EPS8: variants seen among roughly 807,000 people sequenced by gnomAD.
EPS8 encodes the protein EGFR pathway substrate 8, signaling adaptor, also known as epidermal growth factor receptor kinase substrate 8.
EPS8 carries 42 observed loss-of-function variants against 103.8 expected under a neutral mutation model. That is an observed-to-expected ratio of 0.40 (90% CI 0.32 to 0.52). The LOEUF (loss-of-function observed/expected upper bound fraction) is 0.52. EPS8 is among the 20% of genes least tolerant of loss of function. EPS8 has a pLI of 0.40. For missense variants in EPS8, 969 were observed against 1,005.1 expected (o/e 0.96, Z 0.49); for synonymous variants, 344 against 344.6 (o/e 1.00, Z 0.02).
rs909320210 is a variant in EPS8 at position 15,735,166 on chromosome 12, C to T, written c.-21-52194G>A. ...ATACTAATTTTTCTACAAATGAACT[C>T]ACCTCAGAAATGAAAATAAGCTCCA... On this transcript the variant is annotated intron_variant, in intron 1 of 20. Transcript: ENST00000281172. The surrounding 1 kb of genome is among the most constrained non-coding windows in gnomAD (Gnocchi z 4.4). Among the ~76,000 whole-genome samples, 3 of 152,208 alleles carry T rather than the reference C, an allele frequency of 2.0e-5. No homozygotes were observed. The highest frequency in any genetic ancestry group is 7.2e-5 in the African/African-American group (3 of 41,458).
rs1170782994 is a variant in EPS8, at chr12:15,696,403, A to G, written c.-21-13431T>C. On this transcript the variant is annotated intron_variant, in intron 1 of 20. Transcript: ENST00000281172. This position sits in a 1 kb window ranked among gnomAD's most constrained non-coding sequence, Gnocchi z 4.8. ...ACAACTGTAATCCCAGCACTTTGGG[A>G]GGCCAAGGCAGGCAGATCACGAGGT... 6.6e-6 allele frequency among the ~76,000 whole-genome samples: 1 copy of G among 152,138 alleles called. No individual in the cohort carries two copies. Among genetic ancestry groups the G allele is most frequent in the African/African-American group, 2.4e-5 (1 of 41,428 alleles).
chr12:15,750,300 A>G (rs773850926), intron 1 of EPS8, among the ~76,000 whole-genome samples: 8 of 152,138 alleles, frequency 5.3e-5, no homozygotes, highest in Admixed American at 1.3e-4. Flanking sequence ...AAATTCTCCT[A>G]TTTACATGAA....
At chr12:15,645,869 T>C (rs141560403) in intron 15 of EPS8, among the ~76,000 whole-genome samples, 1 of 152,342 alleles carries the variant, frequency 6.6e-6, no homozygotes, top group South Asian at 2.1e-4. Flanking sequence ...ACTCTACATA[T>C]GTACTCAAGT....
rs1947039263 is a variant in EPS8, at chr12:15,761,319, T to C, written c.-22+27842A>G. 6.6e-6 allele frequency among the ~76,000 whole-genome samples: 1 copy of C among 152,148 alleles called. No individual in the cohort carries two copies. The highest frequency in any genetic ancestry group is 2.4e-5 in the African/African-American group (1 of 41,428). The stretch of plus-strand genomic sequence containing the variant: ...AAAAATGGAAAATATTCTATGTTCA[T>C]GGATTGAAAGAATCAATATTGTTAA... On this transcript the variant is annotated intron_variant, in intron 1 of 20. Coordinates refer to ENST00000281172, the MANE Select transcript of EPS8 (RefSeq NM_004447.6). The surrounding 1 kb of genome is among the most constrained non-coding windows in gnomAD (Gnocchi z 4.5).
At chr12:15,722,664 G>T (rs1190916119) in intron 1 of EPS8, among the ~76,000 whole-genome samples, 1 of 152,166 alleles carries the variant, frequency 6.6e-6, no homozygotes. Flanking sequence ...CACAGCAAAG[G>T]CTGGAAAGTC....
In EPS8 at chr12:15,745,657, T is replaced by C. The variant is rs532225856; in HGVS notation, c.-22+43504A>G. Among the ~76,000 whole-genome samples, 21 of 152,240 alleles carry C rather than the reference T, an allele frequency of 1.4e-4. No homozygotes were observed. The South Asian group carries it at 4.1e-3, about 30-fold the overall frequency. On this transcript the variant is annotated intron_variant, in intron 1 of 20. Transcript: ENST00000281172. The surrounding 1 kb of genome is among the most constrained non-coding windows in gnomAD (Gnocchi z 4.6). Reference sequence around the variant, plus strand: ...TTGCTAGCAAAATATAGACCTCCCATTGTTCACTTTCAAATCCTTGGAAAT... The same window carrying C: ...TTGCTAGCAAAATATAGACCTCCCACTGTTCACTTTCAAATCCTTGGAAAT...
chr12:15,636,057 G>A (rs945072280), intron 17 of EPS8, among the ~76,000 whole-genome samples: 5 of 152,094 alleles, frequency 3.3e-5, no homozygotes, highest in African/African-American at 1.2e-4. Context: ...TCTGCTCTTG[G>A]CATATACCTT....
chr12:15,648,261 T>C (rs912322865), intron 14 of EPS8, among the ~76,000 whole-genome samples: 7 of 152,202 alleles, frequency 4.6e-5, no homozygotes, highest in Admixed American at 3.9e-4. Flanking sequence ...TTTCTTTATA[T>C]GAAAATGAGG....
intron 1 of EPS8, among the ~76,000 whole-genome samples, chr12:15,694,961 T>C (rs568544414): frequency 1.0e-3 from 156 of 152,212 alleles, no homozygotes; most frequent in Non-Finnish European, 2.0e-3. Flanking sequence ...TATTTCACTA[T>C]TTCATTATTG....
intron 1 of EPS8, among the ~76,000 whole-genome samples, chr12:15,750,909 G>A (rs1241846784): frequency 6.6e-6 from 1 of 152,062 alleles, no homozygotes; most frequent in Non-Finnish European, 1.5e-5. Context: ...AGTATCAAAA[G>A]GATTTTCTTT....
At chr12:15,678,473 T>G (rs1237699160) in intron 3 of EPS8, among the ~76,000 whole-genome samples, 1 of 152,198 alleles carries the variant, frequency 6.6e-6, no homozygotes, top group Non-Finnish European at 1.5e-5. Flanking sequence ...TTTCAATCCA[T>G]TTATTTCTAT....
rs1164530609 is a variant in EPS8, at chr12:15,700,166, C to T, written c.-21-17194G>A. Among the ~76,000 whole-genome samples the T allele has an allele frequency of 2.0e-5, 3 of 151,914 alleles. No individual in the cohort carries two copies. Among genetic ancestry groups the T allele is most frequent in the Non-Finnish European group, 2.9e-5 (2 of 67,932 alleles). The stretch of plus-strand genomic sequence containing the variant: ...TGAGACTCCATCTCAAAAACAACAA[C>T]AACAAAAAAAGAAACTCTTCCCTAA... On this transcript the variant is annotated intron_variant, in intron 1 of 20. Coordinates refer to ENST00000281172, the MANE Select transcript of EPS8 (RefSeq NM_004447.6). The surrounding 1 kb of genome is among the most constrained non-coding windows in gnomAD (Gnocchi z 5.1).
chr12:15,644,207 A>T (rs1945281032), intron 15 of EPS8, among the ~76,000 whole-genome samples: 1 of 152,108 alleles, frequency 6.6e-6, no homozygotes, highest in Non-Finnish European at 1.5e-5. Context: ...TGACTGTTCA[A>T]ATTGTGTGCA....
chr12:15,644,606 G>C (rs968888582), intron 15 of EPS8, among the ~76,000 whole-genome samples: 5 of 152,000 alleles, frequency 3.3e-5, no homozygotes, highest in African/African-American at 1.2e-4. Context: ...GTTGAGGCAG[G>C]AGAATGGCGT....
rs1018309974 is a variant in EPS8 at position 15,779,382 on chromosome 12, T to G, written c.-22+9779A>C. The stretch of plus-strand genomic sequence containing the variant: ...TTCTAAAAGAGCACTTAAAATCATC[T>G]TATTGTACATTCAGGTCTAAAATTA... On this transcript the variant is annotated intron_variant, in intron 1 of 20. Coordinates refer to ENST00000281172, the MANE Select transcript of EPS8 (RefSeq NM_004447.6). The surrounding 1 kb of genome is among the most constrained non-coding windows in gnomAD (Gnocchi z 4.3). 6.6e-6 allele frequency among the ~76,000 whole-genome samples: 1 copy of G among 152,264 alleles called. No homozygotes were observed. Among genetic ancestry groups the G allele is most frequent in the Non-Finnish European group, 1.5e-5 (1 of 68,052 alleles).
intron 1 of EPS8, among the ~76,000 whole-genome samples, chr12:15,782,716 C>T (rs144872466): frequency 2.0e-5 from 3 of 152,096 alleles, no homozygotes; most frequent in African/African-American, 7.2e-5. Flanking sequence ...TAGTATCATT[C>T]GCGGTCAAGA....
intron 6 of EPS8, among the ~76,000 whole-genome samples, chr12:15,669,108 G>A (rs957083683): frequency 1.3e-5 from 2 of 152,104 alleles, no homozygotes; most frequent in Admixed American, 1.3e-4. Context: ...TGTCCAGGCT[G>A]GGCCCAAACC....
At chr12:15,662,148 C>T (rs755897272) in intron 8 of EPS8, 49 bp from the exon 9 acceptor site, 2 of 1,569,474 alleles carry the variant, frequency 1.3e-6, no homozygotes, top group Middle Eastern at 1.7e-4. Flanking sequence ...TCCCACAATA[C>T]CAATACAGAC....
Position 15,761,644 on chromosome 12 carries a change from G to A in EPS8, c.-22+27517C>T, listed in dbSNP as rs1483492929. Among the ~76,000 whole-genome samples, 3 of 151,778 alleles carry A rather than the reference G, an allele frequency of 2.0e-5. No homozygotes were observed. The highest frequency in any genetic ancestry group is 2.1e-4 in the South Asian group (1 of 4,818). On this transcript the variant is annotated intron_variant, in intron 1 of 20. Coordinates refer to ENST00000281172, the MANE Select transcript of EPS8 (RefSeq NM_004447.6). This position sits in a 1 kb window ranked among gnomAD's most constrained non-coding sequence, Gnocchi z 4.5. Reference sequence around the variant, plus strand: ...GAAACAAATCCACACATCTACAGTCGACTCATTTTCAACAAAGGTGCCAAG... The same window carrying A: ...GAAACAAATCCACACATCTACAGTCAACTCATTTTCAACAAAGGTGCCAAG...
Sources: gnomAD v4.1 joint callset for allele counts (sites outside exome capture counted in the v4.1 genomes callset) on GRCh38, gnomAD v4.1.1 for gene constraint, Gnocchi (gnomAD v3.1) non-coding constraint, MANE v1.5 for transcripts, NCBI Gene and HGNC (gene_info 2026-07-23, HGNC 2026-07-21) for gene names.